PDE8A: variants seen among roughly 807,000 people sequenced by gnomAD.
PDE8A encodes high affinity cAMP-specific and IBMX-insensitive 3',5'-cyclic phosphodiesterase 8A.
A neutral mutation model predicts 105.0 loss-of-function variants in PDE8A; 59 were observed. The observed-to-expected ratio is 0.56, with a 90% CI of 0.46 to 0.70. PDE8A has a LOEUF of 0.70. Ranked by LOEUF, PDE8A falls within the 30% of genes least tolerant of loss-of-function variation. The pLI, the probability that PDE8A is intolerant of heterozygous loss-of-function variation, is 0.00. For missense variants in PDE8A, 1,014 were observed against 1,045.9 expected (o/e 0.97, Z 0.42); for synonymous variants, 355 against 371.9 (o/e 0.95, Z 0.52).
intron 1 of PDE8A, among the ~76,000 whole-genome samples, chr15:85,013,144 A>G (rs1388479899): frequency 1.3e-5 from 2 of 152,220 alleles, no homozygotes; most frequent in Non-Finnish European, 2.9e-5. Flanking sequence ...CAGGGGAAGC[A>G]GAGAGATGTT....
Position 85,064,368 on chromosome 15 carries a change from A to C in PDE8A, c.187-2A>C. The C allele has an allele frequency of 1.9e-6, 3 of 1,603,120 alleles. No individual in the cohort carries two copies. The highest frequency in any genetic ancestry group is 2.6e-6 in the Non-Finnish European group (3 of 1,171,120). On this transcript the variant is annotated splice_acceptor_variant, in intron 1 of 21. Coordinates refer to ENST00000394553, the MANE Select transcript of PDE8A (RefSeq NM_002605.3). LOFTEE classifies it high-confidence loss of function. ...ATTTTTAAGCCAATCTCTTTCTTAC[A>C]GGTAGCAGTAGCTGATGTGCAGTTT...
chr15:85,061,541 T>A (rs529279060), intron 1 of PDE8A, among the ~76,000 whole-genome samples: 1 of 152,296 alleles, frequency 6.6e-6, no homozygotes, highest in South Asian at 2.1e-4. Context: ...CGCCCAGTTC[T>A]TGCTGCTTTC....
intron 5 of PDE8A, 102 bp from the exon 6 acceptor site, chr15:85,083,453 AT>A (rs2081499822): frequency 1.3e-5 from 9 of 671,704 alleles, no homozygotes; most frequent in Middle Eastern, 4.8e-4. Flanking sequence ...TATTTTTTAG[AT>A]TTCAGTTGCC....
At chr15:85,101,219 C>T (rs759760145) in intron 11 of PDE8A, among the ~76,000 whole-genome samples, 21 of 152,116 alleles carry the variant, frequency 1.4e-4, no homozygotes, top group Non-Finnish European at 2.8e-4. Context: ...CTCTGAAGCA[C>T]AGTTTTTATG....
intron 1 of PDE8A, among the ~76,000 whole-genome samples, chr15:85,054,090 C>T (rs1168763362): frequency 6.6e-6 from 1 of 152,114 alleles, no homozygotes; most frequent in East Asian, 1.9e-4. Flanking sequence ...TGGTTTTTGT[C>T]TTTGGTTCTG....
At chr15:85,066,300 C>T (rs2081224034) in intron 2 of PDE8A, among the ~76,000 whole-genome samples, 1 of 152,206 alleles carries the variant, frequency 6.6e-6, no homozygotes, top group South Asian at 2.1e-4. Context: ...GTGGCTCACA[C>T]CTGCAATCCC....
intron 1 of PDE8A, among the ~76,000 whole-genome samples, chr15:85,038,145 AGATT>A (rs1567242088): frequency 6.6e-6 from 1 of 152,178 alleles, no homozygotes. Context: ...CAGAAAAAGA[AGATT>A]GAGTTATCCT....
intron 1 of PDE8A, among the ~76,000 whole-genome samples, chr15:85,036,722 C>T (rs2141384045): frequency 6.6e-6 from 1 of 152,280 alleles, no homozygotes; most frequent in African/African-American, 2.4e-5. Flanking sequence ...GGCACTGCCT[C>T]AGCTGCCCAT....
At chr15:85,134,402 G>C (rs1025224342) in intron 20 of PDE8A, among the ~76,000 whole-genome samples, 1 of 152,184 alleles carries the variant, frequency 6.6e-6, no homozygotes, top group African/African-American at 2.4e-5. Flanking sequence ...GTGAACCCAA[G>C]GCCCTCCCTG....
chr15:85,129,320 T>C (rs1028870814), intron 20 of PDE8A, among the ~76,000 whole-genome samples: 2 of 152,194 alleles, frequency 1.3e-5, no homozygotes, highest in African/African-American at 4.8e-5. Flanking sequence ...TTGAGAAGGA[T>C]TGATATTAAT....
chr15:85,035,075 A>G (rs2080681506), intron 1 of PDE8A, among the ~76,000 whole-genome samples: 1 of 152,138 alleles, frequency 6.6e-6, no homozygotes, highest in South Asian at 2.1e-4. Flanking sequence ...GGGTTACAAC[A>G]GTCTTGGTCA....
chr15:84,991,632 C>T (rs1038859821), intron 1 of PDE8A, among the ~76,000 whole-genome samples: 15 of 152,182 alleles, frequency 9.9e-5, no homozygotes, highest in East Asian at 1.9e-4. Context: ...GAAACATGTA[C>T]GAGAATTTTC....
intron 1 of PDE8A, among the ~76,000 whole-genome samples, chr15:85,025,160 A>G (rs1185015523): frequency 2.0e-5 from 3 of 152,196 alleles, no homozygotes; most frequent in African/African-American, 7.2e-5. Context: ...TAAGGCCACC[A>G]TAAGTCCTGG....
intron 1 of PDE8A, among the ~76,000 whole-genome samples, chr15:84,993,397 C>T (rs1392519397): frequency 7.0e-6 from 1 of 143,736 alleles, no homozygotes; most frequent in Non-Finnish European, 1.5e-5. Context: ...GAGCCGAAAT[C>T]GCGCCACTGC....
intron 1 of PDE8A, among the ~76,000 whole-genome samples, chr15:85,033,196 A>AT (rs769437470): frequency 7.9e-5 from 12 of 152,304 alleles, no homozygotes; most frequent in Non-Finnish European, 1.5e-4. Context: ...AGAGAGAGAC[A>AT]TTTTCCAACG....
intron 12 of PDE8A, among the ~76,000 whole-genome samples, chr15:85,110,769 G>A (rs2082010137): frequency 6.6e-6 from 1 of 152,142 alleles, no homozygotes; most frequent in South Asian, 2.1e-4. Context: ...GGATGTATAT[G>A]CTCATCTTCT....
intron 1 of PDE8A, chr15:85,062,618 G>A (rs1428419536): frequency 2.0e-5 from 3 of 152,158 alleles, no homozygotes; most frequent in African/African-American, 7.2e-5. Context: ...ATATTTGGAG[G>A]ACATGGTTGT....
At chr15:85,041,439 G>A (rs903746915) in intron 1 of PDE8A, among the ~76,000 whole-genome samples, 32 of 152,202 alleles carry the variant, frequency 2.1e-4, no homozygotes, top group African/African-American at 7.7e-4. Flanking sequence ...AGAGGATGGT[G>A]CTGGATGTCC....
At chr15:85,039,003 C>T (rs2080755669) in intron 1 of PDE8A, among the ~76,000 whole-genome samples, 1 of 152,032 alleles carries the variant, frequency 6.6e-6, no homozygotes, top group Non-Finnish European at 1.5e-5. Context: ...TGCCTGTAAT[C>T]CTAGCTACTT....
Sources: gnomAD v4.1 joint callset for allele counts (sites outside exome capture counted in the v4.1 genomes callset) on GRCh38, gnomAD v4.1.1 for gene constraint, MANE v1.5 for transcripts, NCBI Gene and HGNC (gene_info 2026-07-23, HGNC 2026-07-21) for gene names.